The following DYNLRB1 variants were observed in gnomAD, a reference collection of about 807,000 sequenced individuals.
DYNLRB1 encodes ROBL/LC7-like 1.
A neutral mutation model predicts 13.5 loss-of-function variants in DYNLRB1; 6 were observed. That is an observed-to-expected ratio of 0.44 (90% confidence interval 0.24 to 0.88). The LOEUF is 0.88. DYNLRB1 is among the 40% of genes least tolerant of loss of function. The probability of loss-of-function intolerance (pLI) is 0.21; values close to 1 mark genes in which losing one functional copy is unlikely to be tolerated. For synonymous variants in DYNLRB1, 43 were observed against 45.0 expected (o/e 0.96, Z 0.18); for missense variants, 93 against 127.2 (o/e 0.73, Z 1.29).
intron 2 of DYNLRB1, chr20:34,530,358 G>T: frequency 2.3e-6 from 2 of 883,370 alleles, no homozygotes; most frequent in Non-Finnish European, 2.7e-6. Context: ...ATGTGGTTTT[G>T]GGCATAAGCC....
chr20:34,535,450 A>G (rs2146649626), intron 3 of DYNLRB1: 1 of 843,446 alleles, frequency 1.2e-6, no homozygotes. Context: ...AGTCCTTAGG[A>G]TCATTCTCAG....
chr20:34,518,373 G>T (rs1273712020), intron 1 of DYNLRB1, among the ~76,000 whole-genome samples: 1 of 151,916 alleles, frequency 6.6e-6, no homozygotes, highest in Non-Finnish European at 1.5e-5. Flanking sequence ...CGAATTTTAG[G>T]ATTGTTTACA....
chr20:34,524,505 T>C (rs1214383081), intron 1 of DYNLRB1, among the ~76,000 whole-genome samples: 1 of 152,204 alleles, frequency 6.6e-6, no homozygotes, highest in Non-Finnish European at 1.5e-5. Flanking sequence ...CAGGGTAGAA[T>C]GAGTACTGTC....
intron 3 of DYNLRB1, chr20:34,535,032 A>G: frequency 7.3e-7 from 1 of 1,361,522 alleles, no homozygotes; most frequent in Non-Finnish European, 9.5e-7. Context: ...CAGACACGTG[A>G]GCATCATGTG....
intron 1 of DYNLRB1, chr20:34,516,662 GGATCCCGCTGCCCCTT>G (rs1979222955): frequency 1.4e-6 from 2 of 1,460,812 alleles, no homozygotes; most frequent in Non-Finnish European, 1.8e-6. Flanking sequence ...CGGGGCCGCC[GGATCCCGCTGCCCCTT>G]GACCGGAAGC....
chr20:34,539,984 AAG>A (rs556436203), intron 3 of DYNLRB1, among the ~76,000 whole-genome samples: 2 of 151,986 alleles, frequency 1.3e-5, no homozygotes, highest in East Asian at 3.9e-4. Flanking sequence ...AGGGGAAAAA[AAG>A]AGAGAGAGAA....
intron 3 of DYNLRB1, 161 bp downstream of exon 3, chr20:34,534,956 T>C (rs762651719): frequency 4.7e-6 from 7 of 1,490,018 alleles, no homozygotes; most frequent in Non-Finnish European, 6.2e-6. Context: ...AGCCTCCAGC[T>C]GGTGTCCCAT....
rs1568595701 is a variant in DYNLRB1 at position 34,516,426 on chromosome 20, G to C, written c.-33G>C. The C allele has an allele frequency of 1.2e-6, 2 of 1,612,728 alleles. No homozygotes were observed. The highest frequency in any genetic ancestry group is 3.3e-5 in the Admixed American group (2 of 59,946). Reference sequence around the variant, plus strand: ...CAGAAAGGCACAGGACTCGCTAAGTGTTCGCTACGCGGGGCTACCGGATCG... The same window carrying C: ...CAGAAAGGCACAGGACTCGCTAAGTCTTCGCTACGCGGGGCTACCGGATCG... On this transcript the variant is annotated 5_prime_UTR_variant, in exon 1 of 4. Coordinates refer to ENST00000357156, the MANE Select transcript of DYNLRB1 (RefSeq NM_014183.4).
chr20:34,521,251 A>AT (rs1979687900), intron 1 of DYNLRB1, among the ~76,000 whole-genome samples: 1 of 152,146 alleles, frequency 6.6e-6, no homozygotes, highest in Non-Finnish European at 1.5e-5. Context: ...ACCTCAAGTG[A>AT]TTCACCCACC....
At chr20:34,526,563 A>T in intron 2 of DYNLRB1, 1 of 530,526 alleles carries the variant, frequency 1.9e-6, no homozygotes, top group Non-Finnish European at 3.3e-6. Context: ...AGAAATCGGT[A>T]ACTGGTTGTG....
chr20:34,537,884 T>C (rs1168829286), intron 3 of DYNLRB1, among the ~76,000 whole-genome samples: 1 of 152,046 alleles, frequency 6.6e-6, no homozygotes, highest in Admixed American at 6.6e-5. Flanking sequence ...GAGGTACTGC[T>C]TCCCAGGCTG....
Position 34,519,391 on chromosome 20 carries a change from A to G in DYNLRB1, c.3+2930A>G, listed in dbSNP as rs143589281. Among the ~76,000 whole-genome samples the G allele has an allele frequency of 4.3e-3, 649 of 152,288 alleles. 7 individuals carry two copies. The highest frequency in any genetic ancestry group is 0.015 in the African/African-American group (608 of 41,540). ...TATTAGATGAAACTGGAATATATAT[A>G]TATTTGTATATGTTAACTTTACTTT... is the stretch of plus-strand genomic sequence containing the variant. On this transcript the variant is annotated intron_variant, in intron 1 of 3. Transcript: ENST00000357156.
chr20:34,536,744 CAAAA>C (rs560286767), intron 3 of DYNLRB1, among the ~76,000 whole-genome samples: 3 of 55,898 alleles, frequency 5.4e-5, no homozygotes, highest in Non-Finnish European at 1.1e-4. Flanking sequence ...GACTCTGTCT[CAAAA>C]AAAAAAAAAA....
intron 3 of DYNLRB1, chr20:34,535,586 C>T (rs1448972828): frequency 2.1e-6 from 2 of 964,338 alleles, no homozygotes; most frequent in African/African-American, 3.5e-5. Flanking sequence ...GCAGAGCCTC[C>T]AGGGCCGTCT....
At chr20:34,519,045 A>G (rs1210537716) in intron 1 of DYNLRB1, among the ~76,000 whole-genome samples, 1 of 151,912 alleles carries the variant, frequency 6.6e-6, no homozygotes, top group African/African-American at 2.4e-5. Flanking sequence ...GGAGCATGCC[A>G]CCATGCCTGG....
intron 1 of DYNLRB1, among the ~76,000 whole-genome samples, chr20:34,524,885 G>A (rs1018607042): frequency 4.6e-5 from 7 of 152,076 alleles, no homozygotes; most frequent in African/African-American, 1.7e-4. Flanking sequence ...CACTACGCCC[G>A]GCTAATTTTT....
intron 1 of DYNLRB1, among the ~76,000 whole-genome samples, chr20:34,525,367 T>C (rs1347027429): frequency 1.3e-5 from 2 of 152,204 alleles, no homozygotes; most frequent in Non-Finnish European, 2.9e-5. Context: ...ATCACACTTC[T>C]ACTCCACAGA....
intron 2 of DYNLRB1, among the ~76,000 whole-genome samples, chr20:34,528,311 C>CAA (rs59104612): frequency 0.12 from 634 of 5,208 alleles, 221 homozygotes; most frequent in Admixed American, 0.31. Flanking sequence ...GACTCCGTCT[C>CAA]AAAAAAAAAA....
At chr20:34,516,914 C>T (rs1490261995) in intron 1 of DYNLRB1, 4 of 1,403,600 alleles carry the variant, frequency 2.8e-6, no homozygotes, top group South Asian at 1.7e-5. Context: ...TTATACATAT[C>T]TGTTATTCAG....
Sources: allele counts gnomAD v4.1 joint callset (sites outside exome capture counted in the v4.1 genomes callset), GRCh38; gene constraint gnomAD v4.1.1; transcripts MANE v1.5; gene names NCBI Gene and HGNC (gene_info 2026-07-23, HGNC 2026-07-21).